ATP11C: variants seen among roughly 807,000 people sequenced by gnomAD.
ATP11C encodes phospholipid-transporting ATPase IG.
A neutral mutation model predicts 97.4 loss-of-function variants in ATP11C; 36 were observed. That is an observed-to-expected ratio of 0.37 (90% confidence interval 0.28 to 0.49). The LOEUF (loss-of-function observed/expected upper bound fraction) is 0.49. Among genes scored for constraint, ATP11C ranks in the 20% least tolerant of loss-of-function variants. The pLI is 0.98. For synonymous variants in ATP11C, 275 were observed against 290.9 expected (o/e 0.95, Z 0.56); for missense variants, 730 against 824.6 (o/e 0.89, Z 1.40).
intron 24 of ATP11C, 104 bp downstream of exon 24, chrX:139,749,921 T>C: frequency 3.5e-6 from 3 of 848,006 alleles, no homozygotes; most frequent in South Asian, 3.5e-5. Context: ...CATATAATCA[T>C]ACCACAAACC....
At chrX:139,757,234 C>A (rs775077164) in intron 23 of ATP11C, among the ~76,000 whole-genome samples, 1 of 111,243 alleles carries the variant, frequency 9.0e-6, no homozygotes, top group South Asian at 3.8e-4. Flanking sequence ...CGCTGTATTT[C>A]GCTATACCTC....
At chrX:139,776,518 G>A (rs1034645867) in intron 18 of ATP11C, among the ~76,000 whole-genome samples, 3 of 111,695 alleles carry the variant, frequency 2.7e-5, no homozygotes, top group African/African-American at 9.8e-5. Context: ...CCTACGACAG[G>A]GGCATAATGG....
intron 1 of ATP11C, among the ~76,000 whole-genome samples, chrX:139,903,667 T>A (rs915371808): frequency 9.2e-6 from 1 of 108,844 alleles, no homozygotes; most frequent in Non-Finnish European, 1.9e-5. Context: ...GCTATCCCTC[T>A]CTCTGATTTC....
chrX:139,934,937 C>G, upstream of ATP11C, among the ~76,000 whole-genome samples: 1 of 111,832 alleles, frequency 8.9e-6, no homozygotes, highest in East Asian at 2.8e-4. Flanking sequence ...AGACATTATT[C>G]TAGATACTGG....
chrX:139,739,677 A>G (rs759998537), intron 27 of ATP11C, among the ~76,000 whole-genome samples: 58 of 112,032 alleles, frequency 5.2e-4, no homozygotes, highest in African/African-American at 1.6e-3. Context: ...ATTTTCATCA[A>G]TAAGGAATAG....
At chrX:139,838,517 T>C (rs1274907581) in intron 1 of ATP11C, among the ~76,000 whole-genome samples, 3 of 112,140 alleles carry the variant, frequency 2.7e-5, no homozygotes, top group Non-Finnish European at 5.6e-5. Context: ...TGAGAAACAG[T>C]TTGGCAGTTC....
chrX:139,791,031 G>T (rs1376938642), intron 12 of ATP11C, among the ~76,000 whole-genome samples: 1 of 111,560 alleles, frequency 9.0e-6, no homozygotes, highest in East Asian at 2.8e-4. Flanking sequence ...ATAGGAACAA[G>T]CATAAGGACA....
chrX:139,753,939 C>T (rs1371202259), intron 23 of ATP11C, among the ~76,000 whole-genome samples: 1 of 110,319 alleles, frequency 9.1e-6, no homozygotes, highest in African/African-American at 3.3e-5. Context: ...GCAAACCAAC[C>T]CCAAAGCTAG....
At chrX:139,927,156 G>A (rs1240358314) in intron 1 of ATP11C, among the ~76,000 whole-genome samples, 1 of 112,085 alleles carries the variant, frequency 8.9e-6, no homozygotes, top group Non-Finnish European at 1.9e-5. Flanking sequence ...AGTTGTGTAT[G>A]TAATGATAAT....
intron 1 of ATP11C, among the ~76,000 whole-genome samples, chrX:139,883,699 T>G (rs2084595342): frequency 9.0e-6 from 1 of 110,636 alleles, no homozygotes; most frequent in South Asian, 3.9e-4. Flanking sequence ...CAAAGTAAGG[T>G]GAAAATTAAA....
chrX:139,756,283 C>A (rs1308986248), intron 23 of ATP11C, among the ~76,000 whole-genome samples: 3 of 112,188 alleles, frequency 2.7e-5, no homozygotes, highest in Admixed American at 9.4e-5. Context: ...GATACCATCT[C>A]ACACCAGTCA....
intron 23 of ATP11C, among the ~76,000 whole-genome samples, chrX:139,754,926 A>G (rs1212857127): frequency 8.9e-6 from 1 of 111,896 alleles, no homozygotes; most frequent in South Asian, 3.7e-4. Context: ...CTCAAAAACC[A>G]GAAGACTAGG....
chrX:139,839,863 C>A (rs1490055288), intron 1 of ATP11C, among the ~76,000 whole-genome samples: 1 of 111,583 alleles, frequency 9.0e-6, no homozygotes, highest in Admixed American at 9.6e-5. Flanking sequence ...AACCCATTGG[C>A]CTTTTTTCCA....
At chrX:139,777,147 G>A (rs1300971068) in intron 18 of ATP11C, among the ~76,000 whole-genome samples, 1 of 111,083 alleles carries the variant, frequency 9.0e-6, no homozygotes, top group East Asian at 2.8e-4. Flanking sequence ...CACACACAAA[G>A]GATTGTACTA....
intron 1 of ATP11C, among the ~76,000 whole-genome samples, chrX:139,921,241 A>T (rs2085254355): frequency 9.0e-6 from 1 of 111,416 alleles, no homozygotes; most frequent in Non-Finnish European, 1.9e-5. Flanking sequence ...CTTGAATTAT[A>T]ATCCCCATAA....
chrX:139,934,139 AG>A (rs749626775), upstream of ATP11C, among the ~76,000 whole-genome samples: 30 of 112,032 alleles, frequency 2.7e-4, no homozygotes, highest in East Asian at 8.1e-3. Flanking sequence ...GGACAAACTA[AG>A]AAAGAGATCA....
chrX:139,923,807 T>C (rs1185700562), intron 1 of ATP11C, among the ~76,000 whole-genome samples: 1 of 111,486 alleles, frequency 9.0e-6, no homozygotes, highest in Non-Finnish European at 1.9e-5. Context: ...TCATAACAAA[T>C]TTGTTAATTT....
chrX:139,811,351 T>C (rs1172227757), intron 5 of ATP11C, among the ~76,000 whole-genome samples: 1 of 111,211 alleles, frequency 9.0e-6, no homozygotes, highest in Non-Finnish European at 1.9e-5. Context: ...AGCTCCAGGA[T>C]TGACAACTCC....
At chrX:139,889,127 C>T (rs185329833) in intron 1 of ATP11C, among the ~76,000 whole-genome samples, 1 of 111,614 alleles carries the variant, frequency 9.0e-6, no homozygotes, top group East Asian at 2.8e-4. Flanking sequence ...ATATTTACAG[C>T]ACCTTTATTC....
Sources: allele counts gnomAD v4.1 joint callset (sites outside exome capture counted in the v4.1 genomes callset), GRCh38; gene constraint gnomAD v4.1.1; transcripts MANE v1.5; gene names NCBI Gene and HGNC (gene_info 2026-07-23, HGNC 2026-07-21).